Variants in DENND1B observed in about 807,000 individuals in gnomAD.
DENND1B encodes DENN domain containing 1B, also known as DENN domain-containing protein 1B.
Under a neutral mutation model 90.1 loss-of-function variants are expected in DENND1B, and 59 were observed. The observed-to-expected ratio is 0.65, with a 90% confidence interval of 0.53 to 0.81. The LOEUF is 0.81. DENND1B is among the 40% of genes least tolerant of loss of function. The pLI is 0.00. For synonymous variants in DENND1B, 337 were observed against 324.6 expected (o/e 1.04, Z -0.41); for missense variants, 862 against 912.6 (o/e 0.94, Z 0.71).
At chr1:197,739,818 T>C (rs1489320795) in intron 2 of DENND1B, among the ~76,000 whole-genome samples, 3 of 152,132 alleles carry the variant, frequency 2.0e-5, no homozygotes, top group African/African-American at 7.2e-5. Flanking sequence ...AAAGAAGATA[T>C]ACAGATGGAA....
chr1:197,731,736 T>C (rs1042591961), intron 2 of DENND1B, among the ~76,000 whole-genome samples: 1 of 152,152 alleles, frequency 6.6e-6, no homozygotes, highest in Non-Finnish European at 1.5e-5. Flanking sequence ...TAAAATGCTG[T>C]AAGAAAGTTT....
intron 10 of DENND1B, among the ~76,000 whole-genome samples, chr1:197,620,794 C>G (rs1458524910): frequency 6.6e-6 from 1 of 151,248 alleles, no homozygotes; most frequent in Non-Finnish European, 1.5e-5. Context: ...ACAAAGTCCC[C>G]GTTTCTATGG....
chr1:197,659,103 C>A (rs764347257), intron 5 of DENND1B, among the ~76,000 whole-genome samples: 12 of 151,112 alleles, frequency 7.9e-5, no homozygotes, highest in Non-Finnish European at 1.6e-4. Context: ...AAGAGGAAAT[C>A]ACAAAATACA....
intron 3 of DENND1B, among the ~76,000 whole-genome samples, chr1:197,704,103 G>C (rs185994789): frequency 2.0e-4 from 31 of 152,208 alleles, no homozygotes; most frequent in African/African-American, 7.2e-4. Context: ...ACATTAGCCA[G>C]AAGTGGTGGT....
At chr1:197,780,478 A>AT (rs1657399247), upstream of DENND1B, among the ~76,000 whole-genome samples, 1 of 151,988 alleles carries the variant, frequency 6.6e-6, no homozygotes, top group South Asian at 2.1e-4. Context: ...GGCACCTGCC[A>AT]TCACGCCTAG....
At chr1:197,512,786 C>T in intron 21 of DENND1B, 85 bp downstream of exon 21, 5 of 1,200,290 alleles carry the variant, frequency 4.2e-6, no homozygotes, top group Non-Finnish European at 6.0e-6. Context: ...TCTAAGAGTG[C>T]ATACTCTTTG....
chr1:197,511,971 T>C (rs749103831), intron 21 of DENND1B, 27 bp from the exon 22 acceptor site: 1 of 1,557,636 alleles, frequency 6.4e-7, no homozygotes, highest in Non-Finnish European at 8.8e-7. Context: ...CACGCAGTAG[T>C]AGGTAAATAA....
intron 2 of DENND1B, among the ~76,000 whole-genome samples, chr1:197,718,803 T>C (rs1237312208): frequency 6.6e-6 from 1 of 152,058 alleles, no homozygotes; most frequent in African/African-American, 2.4e-5. Flanking sequence ...GAATACCTTT[T>C]AGAAACTGAA....
chr1:197,506,586 G>T lies in DENND1B; in HGVS notation c.*3874C>A, dbSNP rs1399582378. On this transcript the variant is annotated 3_prime_UTR_variant, in exon 23 of 23. Coordinates refer to ENST00000620048, the MANE Select transcript of DENND1B (RefSeq NM_001195215.2). ...CCACATTTTCTACAAGAGAATGAAG[G>T]TCTATTGATTATGAGACATTCACAG... 1 of 151,394 alleles carries T rather than the reference G, an allele frequency of 6.6e-6. No individual in the cohort carries two copies. The highest frequency in any genetic ancestry group is 2.4e-5 in the African/African-American group (1 of 41,336). 9.4% of individuals were successfully genotyped at this position (151,394 alleles called of 1,614,324 possible).
Position 197,504,926 on chromosome 1 carries a change from C to T in DENND1B, c.*5534G>A, listed in dbSNP as rs1203907103. 6.6e-6 allele frequency: 1 copy of T among 151,772 alleles called. No individual in the cohort carries two copies. The highest frequency in any genetic ancestry group is 6.6e-5 in the Admixed American group (1 of 15,196). 9.4% of individuals were successfully genotyped at this position (151,772 alleles called of 1,614,324 possible). A position where few individuals can be genotyped will look rare whatever the true frequency, so the allele number is the denominator to read the frequency against. On this transcript the variant is annotated 3_prime_UTR_variant, in exon 23 of 23. Coordinates refer to ENST00000620048, the MANE Select transcript of DENND1B (RefSeq NM_001195215.2). Reference sequence around the variant, plus strand: ...GATTTATACTGTAGCCTCAAGGATGCAAGAACAATGAAGTAAAATCACAAT... The same window carrying T: ...GATTTATACTGTAGCCTCAAGGATGTAAGAACAATGAAGTAAAATCACAAT...
At chr1:197,634,920 G>A (rs1373775767) in intron 10 of DENND1B, among the ~76,000 whole-genome samples, 3 of 152,062 alleles carry the variant, frequency 2.0e-5, no homozygotes, top group Non-Finnish European at 4.4e-5. Context: ...TGAGATCTGC[G>A]GGCAGAAGCT....
intron 3 of DENND1B, among the ~76,000 whole-genome samples, chr1:197,687,014 T>C (rs1405835168): frequency 6.6e-6 from 1 of 152,212 alleles, no homozygotes; most frequent in African/African-American, 2.4e-5. Context: ...TATTGAGGAT[T>C]AGATAATTGA....
At chr1:197,773,981 C>T (rs1328388121) in intron 1 of DENND1B, among the ~76,000 whole-genome samples, 1 of 152,112 alleles carries the variant, frequency 6.6e-6, no homozygotes, top group South Asian at 2.1e-4. Context: ...GGAAGCTTTT[C>T]TTATAAGATA....
At chr1:197,758,080 G>A (rs1036077200) in intron 2 of DENND1B, among the ~76,000 whole-genome samples, 1 of 152,108 alleles carries the variant, frequency 6.6e-6, no homozygotes, top group African/African-American at 2.4e-5. Context: ...AGAAAGGAGC[G>A]CTAAAGAAAA....
chr1:197,780,481 A>C (rs1284613943), upstream of DENND1B, among the ~76,000 whole-genome samples: 1 of 151,926 alleles, frequency 6.6e-6, no homozygotes, highest in Admixed American at 6.6e-5. Context: ...ACCTGCCATC[A>C]CGCCTAGCTA....
chr1:197,564,232 G>T (rs1471526325), intron 15 of DENND1B, among the ~76,000 whole-genome samples: 1 of 151,424 alleles, frequency 6.6e-6, no homozygotes, highest in African/African-American at 2.4e-5. Flanking sequence ...CTATCAAATA[G>T]CACCATATGC....
chr1:197,669,861 T>C (rs1394794376), intron 5 of DENND1B, among the ~76,000 whole-genome samples: 1 of 152,132 alleles, frequency 6.6e-6, no homozygotes, highest in African/African-American at 2.4e-5. Context: ...TTCTCTTTAT[T>C]GGAATACACG....
chr1:197,568,039 G>T (rs1360994703), intron 15 of DENND1B, among the ~76,000 whole-genome samples: 1 of 148,388 alleles, frequency 6.7e-6, no homozygotes, highest in Non-Finnish European at 1.5e-5. Context: ...CGGAGGGAAG[G>T]CAGGCAGGGA....
At chr1:197,646,728 G>A (rs1680762312) in intron 8 of DENND1B, among the ~76,000 whole-genome samples, 1 of 151,892 alleles carries the variant, frequency 6.6e-6, no homozygotes, top group Non-Finnish European at 1.5e-5. Flanking sequence ...GATCTTTTGT[G>A]ATCTTGGGAC....
Sources: gnomAD v4.1 joint callset for allele counts (sites outside exome capture counted in the v4.1 genomes callset) on GRCh38, gnomAD v4.1.1 for gene constraint, MANE v1.5 for transcripts, NCBI Gene and HGNC (gene_info 2026-07-23, HGNC 2026-07-21) for gene names.